BSN: variants seen among roughly 807,000 people sequenced by gnomAD.
The protein encoded by BSN is bassoon presynaptic cytomatrix protein, also known as protein bassoon.
Under a neutral mutation model 264.8 loss-of-function variants are expected in BSN, and 57 were observed. The ratio of observed to expected loss-of-function variants is 0.22; its 90% CI spans 0.17 to 0.27. The LOEUF is 0.27. Ranked by LOEUF, BSN falls within the 10% of genes least tolerant of loss-of-function variation. BSN has a pLI of 1.00. For synonymous variants in BSN, 2,059 were observed against 2,137.3 expected (o/e 0.96, Z 1.01); for missense variants, 4,615 against 5,232.5 (o/e 0.88, Z 3.64).
chr3:49,589,513 C>CTT (rs34301517), intron 1 of BSN, among the ~76,000 whole-genome samples: 223 of 142,798 alleles, frequency 1.6e-3, no homozygotes, highest in African/African-American at 2.3e-3. Flanking sequence ...TTCTTTCTTT[C>CTT]TTTTTTTTTT....
chr3:49,594,808 CATA>C (rs1451672185), intron 1 of BSN, among the ~76,000 whole-genome samples: 1 of 151,922 alleles, frequency 6.6e-6, no homozygotes, highest in Non-Finnish European at 1.5e-5. Context: ...AGTCCATGAA[CATA>C]GTATATCTTC....
chr3:49,637,456 C>T (rs1463638330), intron 2 of BSN, among the ~76,000 whole-genome samples: 1 of 152,192 alleles, frequency 6.6e-6, no homozygotes, highest in Non-Finnish European at 1.5e-5. Flanking sequence ...AAGCTCTTCC[C>T]AGAACTGCCC....
At chr3:49,620,955 A>AC (rs1014105969) in intron 1 of BSN, among the ~76,000 whole-genome samples, 6 of 152,162 alleles carry the variant, frequency 3.9e-5, no homozygotes, top group Non-Finnish European at 5.9e-5. Flanking sequence ...ACACAAAAAG[A>AC]CTTATCCTGG....
rs1194223119 is a variant in BSN at position 49,638,826 on chromosome 3, C to G, written c.634-3442C>G. On this transcript the variant is annotated intron_variant, in intron 2 of 11. Transcript: ENST00000296452. The surrounding 1 kb of genome is among the most constrained non-coding windows in gnomAD (Gnocchi z 4.3). The stretch of plus-strand genomic sequence containing the variant: ...CACCCCAAAGTTGCAGGATAAGAAG[C>G]CTTACCTCCTAAATTCCCTTTCCCA... Among the ~76,000 whole-genome samples the G allele has an allele frequency of 6.6e-6, 1 of 152,178 alleles. No individual in the cohort carries two copies. Among genetic ancestry groups the G allele is most frequent in the African/African-American group, 2.4e-5 (1 of 41,444 alleles).
At chr3:49,583,864 GATTT>G (rs556005167) in intron 1 of BSN, among the ~76,000 whole-genome samples, 1 of 151,634 alleles carries the variant, frequency 6.6e-6, no homozygotes, top group African/African-American at 2.4e-5. Flanking sequence ...CTTGCAATCC[GATTT>G]ATTTATTTAT....
At chr3:49,572,626 C>T (rs2051806371) in intron 1 of BSN, among the ~76,000 whole-genome samples, 1 of 152,160 alleles carries the variant, frequency 6.6e-6, no homozygotes, top group East Asian at 1.9e-4. Context: ...CTCCGCTTCC[C>T]GGGTTCACGC....
At chr3:49,568,112 A>G (rs972230121) in intron 1 of BSN, among the ~76,000 whole-genome samples, 2 of 152,190 alleles carry the variant, frequency 1.3e-5, no homozygotes, top group Non-Finnish European at 2.9e-5. Flanking sequence ...TCTGTTTACT[A>G]ACACAGTCAC....
At chr3:49,581,144 G>T (rs2051893111) in intron 1 of BSN, among the ~76,000 whole-genome samples, 1 of 151,994 alleles carries the variant, frequency 6.6e-6, no homozygotes, top group South Asian at 2.1e-4. Flanking sequence ...ACCATGCCAG[G>T]CTAATTTTTG....
In BSN at chr3:49,656,765, G is replaced by T; in HGVS notation, c.7209G>T (p.Arg2403Ser). 1 of 1,580,554 alleles carries T rather than the reference G, an allele frequency of 6.3e-7. No homozygotes were observed. Among genetic ancestry groups the T allele is most frequent in the Non-Finnish European group, 8.6e-7 (1 of 1,163,192 alleles). The change falls in exon 5 of 12, where the codon AGG (arginine) becomes AGT (serine). Residue 2403 changes from arginine (R) to serine (S), a missense_variant. By Grantham distance (110) the Arg-to-Ser change is moderately radical. This residue lies in a region of BSN where 3,415 missense variants were observed against 3,866.4 expected (regional missense o/e 0.88). Coordinates refer to ENST00000296452, the MANE Select transcript of BSN (RefSeq NM_003458.4). The part of the protein sequence containing the change: ...ELERERVELQ[R>S]HREEEQLLVQ... ...AGCGGGAACGTGTGGAGCTGCAGAG[G>T]CACCGTGAGGAGGAGCAGCTGCTGG...
downstream of BSN, among the ~76,000 whole-genome samples, chr3:49,673,109 T>TTTTTTTTTTTTC: frequency 3.7e-5 from 5 of 135,008 alleles, 1 homozygote; most frequent in Non-Finnish European, 7.8e-5. Flanking sequence ...TTTTTTTTTT[T>TTTTTTTTTTTTC]TTTTTTACTT....
At chr3:49,649,379 A>G (rs2052522182) in intron 3 of BSN, among the ~76,000 whole-genome samples, 1 of 152,176 alleles carries the variant, frequency 6.6e-6, no homozygotes, top group Non-Finnish European at 1.5e-5. Context: ...GGACGGATGG[A>G]GCACTAAGGC....
At chr3:49,583,942 C>T (rs946658718) in intron 1 of BSN, among the ~76,000 whole-genome samples, 24 of 152,148 alleles carry the variant, frequency 1.6e-4, no homozygotes, top group African/African-American at 5.3e-4. Flanking sequence ...GGCGCGATCT[C>T]GGCTCACTGC....
At chr3:49,588,937 C>T (rs1276783526) in intron 1 of BSN, among the ~76,000 whole-genome samples, 6 of 147,996 alleles carry the variant, frequency 4.1e-5, no homozygotes, top group Non-Finnish European at 9.0e-5. Context: ...TTTTTTGAGA[C>T]AGAGTCTCGC....
Position 49,652,309 on chromosome 3 carries a change from C to T in BSN, c.2753C>T (p.Thr918Ile). The T allele has an allele frequency of 6.3e-7, 1 of 1,597,176 alleles. No homozygotes were observed. Among genetic ancestry groups the T allele is most frequent in the Non-Finnish European group, 8.5e-7 (1 of 1,171,020 alleles). Residue 918 changes from threonine (T) to isoleucine (I), a missense_variant, in exon 5 of 12, where the codon ACC becomes ATC. Physicochemically the swap from Thr to Ile is moderately conservative, Grantham distance 89. Transcript: ENST00000296452. ...CCTGAGGGAGGCTCAGCAGAGGCTA[C>T]CGATGGCAGTGGGACCCTGCAGGGT... ...LLPEGGSAEATDGSGTLQGGL... is the reference protein window; with the variant it reads ...LLPEGGSAEAIDGSGTLQGGL...
chr3:49,557,850 C>G (rs1321717575), intron 1 of BSN, among the ~76,000 whole-genome samples: 1 of 152,184 alleles, frequency 6.6e-6, no homozygotes, highest in Non-Finnish European at 1.5e-5. Context: ...CAGGCGGGAG[C>G]CACTGCACCC....
At position 49,654,581 on chromosome 3, in the gene BSN, T is replaced by C; in HGVS notation, c.5025T>C (p.Thr1675=). The part of the protein sequence containing the change: ...VVDLRTAVKP[T]PIILTDQGMD... ...ACCTCCGTACAGCTGTCAAGCCCAC[T>C]CCCATCATCCTCACTGACCAGGGCA... Residue 1675 remains threonine, a synonymous_variant, in exon 5 of 12, where the codon ACT becomes ACC. Coordinates refer to ENST00000296452, the MANE Select transcript of BSN (RefSeq NM_003458.4). This position sits in a 1 kb window ranked among gnomAD's most constrained non-coding sequence, Gnocchi z 4.1. 1 of 1,612,138 alleles carries C rather than the reference T, an allele frequency of 6.2e-7. No homozygotes were observed. Among genetic ancestry groups the C allele is most frequent in the Non-Finnish European group, 8.5e-7 (1 of 1,178,778 alleles).
chr3:49,597,445 C>T, intron 1 of BSN, among the ~76,000 whole-genome samples: 1 of 152,116 alleles, frequency 6.6e-6, no homozygotes, highest in East Asian at 1.9e-4. Context: ...AGCCCCCTCT[C>T]CCCACCTGCC....
chr3:49,644,608 A>G (rs544689677), intron 3 of BSN, among the ~76,000 whole-genome samples: 4 of 152,250 alleles, frequency 2.6e-5, no homozygotes, highest in Admixed American at 1.3e-4. Flanking sequence ...AAAGGGGTGC[A>G]CCAGGGTGTC....
chr3:49,664,594 T>G, intron 9 of BSN, 40 bp downstream of exon 9: 5 of 1,563,552 alleles, frequency 3.2e-6, no homozygotes, highest in Middle Eastern at 1.7e-4. Context: ...GGGTGGCTAC[T>G]CTGGTACAGG....
Sources: gnomAD v4.1 joint callset for allele counts (sites outside exome capture counted in the v4.1 genomes callset) on GRCh38, gnomAD v4.1.1 for gene constraint, gnomAD v4.1.1 regional missense constraint, Gnocchi (gnomAD v3.1) non-coding constraint, MANE v1.5 for transcripts, NCBI Gene and HGNC (gene_info 2026-07-23, HGNC 2026-07-21) for gene names.